Variants in IL17B observed in about 807,000 individuals in gnomAD.
IL17B encodes the protein interleukin 17B.
A neutral mutation model predicts 14.7 loss-of-function variants in IL17B; 14 were observed. The ratio of observed to expected loss-of-function variants is 0.95; its 90% confidence interval spans 0.63 to 1.49. IL17B has a LOEUF of 1.49. Ranked by LOEUF, IL17B falls within the 40% of genes most tolerant of loss-of-function variation. The pLI is 0.00. For synonymous variants in IL17B, 105 were observed against 94.8 expected (o/e 1.11, Z -0.62); for missense variants, 233 against 252.8 (o/e 0.92, Z 0.53).
intron 1 of IL17B, among the ~76,000 whole-genome samples, chr5:149,384,303 G>A (rs761416690): frequency 2.0e-5 from 3 of 152,104 alleles, no homozygotes; most frequent in Non-Finnish European, 2.9e-5. Context: ...GTGGGCCTCC[G>A]TTTCCTCACG....
chr5:149,391,124 C>T (rs1758942839), intron 1 of IL17B, among the ~76,000 whole-genome samples: 1 of 152,120 alleles, frequency 6.6e-6, no homozygotes, highest in Non-Finnish European at 1.5e-5. Flanking sequence ...CTGCCATCAT[C>T]CCCAGCTAAT....
chr5:149,393,681 CCTT>C (rs1413449768), intron 1 of IL17B, among the ~76,000 whole-genome samples: 1 of 152,128 alleles, frequency 6.6e-6, no homozygotes, highest in Non-Finnish European at 1.5e-5. Flanking sequence ...TCCCTTCCTT[CCTT>C]CTTTTTTTTC....
In IL17B at chr5:149,376,858, C is replaced by T. The variant is rs149642401; in HGVS notation, c.189G>A (p.Glu63=). ...MKPYARMEEY[E]RNIEEMVAQL... ...GGGCCACCATCTCCTCGATGTTCCT[C>T]TCATACTCCTCCATGCGGGCATACG... The change falls in exon 2 of 3, where the codon GAG becomes GAA. Residue 63 remains glutamate (E), a synonymous_variant. Transcript: ENST00000261796. 1.2e-6 allele frequency: 2 copies of T among 1,614,072 alleles called. No individual in the cohort carries two copies. The highest frequency in any genetic ancestry group is 2.7e-5 in the African/African-American group (2 of 74,942).
At chr5:149,403,002 C>CAAAAAAA (rs36121550) in intron 1 of IL17B, among the ~76,000 whole-genome samples, 1 of 60,580 alleles carries the variant, frequency 1.7e-5, no homozygotes. Context: ...GACTCCATCT[C>CAAAAAAA]AAAAAAAAAA....
chr5:149,376,115 C>T (rs1758523631), intron 2 of IL17B, among the ~76,000 whole-genome samples: 1 of 152,180 alleles, frequency 6.6e-6, no homozygotes, highest in Non-Finnish European at 1.5e-5. Flanking sequence ...CATCTTTGGT[C>T]CTTACTATGG....
chr5:149,379,619 G>C (rs1758636984), upstream of IL17B, among the ~76,000 whole-genome samples: 1 of 152,228 alleles, frequency 6.6e-6, no homozygotes, highest in South Asian at 2.1e-4. Flanking sequence ...AAGGGGTTGA[G>C]GGTGGAGGAG....
Position 149,374,338 on chromosome 5 carries a change from G to T in IL17B, c.*31C>A. The T allele has an allele frequency of 6.5e-7, 1 of 1,531,080 alleles. No homozygotes were observed. The highest frequency in any genetic ancestry group is 8.8e-7 in the Non-Finnish European group (1 of 1,136,744). 94.8% of individuals were successfully genotyped at this position (1,531,080 alleles called of 1,614,324 possible). A position where few individuals can be genotyped will look rare whatever the true frequency, so the allele number is the denominator to read the frequency against. On this transcript the variant is annotated 3_prime_UTR_variant, in exon 3 of 3. Transcript: ENST00000261796. This position sits in a 1 kb window ranked among gnomAD's most constrained non-coding sequence, Gnocchi z 5.0. Reference sequence around the variant, plus strand: ...CAAAGGTGCAAGGAGGATGGTCTCGGGCTGCTGGCCTGGCTTCTGGGCCAG... The same window carrying T: ...CAAAGGTGCAAGGAGGATGGTCTCGTGCTGCTGGCCTGGCTTCTGGGCCAG...
chr5:149,376,027 C>T (rs1352640296), intron 2 of IL17B, among the ~76,000 whole-genome samples: 1 of 152,222 alleles, frequency 6.6e-6, no homozygotes, highest in African/African-American at 2.4e-5. Context: ...ATTCTAGAGT[C>T]TCAGGGTATA....
chr5:149,403,017 A>C (rs1428772230), intron 1 of IL17B, among the ~76,000 whole-genome samples: 1 of 151,724 alleles, frequency 6.6e-6, no homozygotes, highest in Non-Finnish European at 1.5e-5. Context: ...AAAAAAAAAA[A>C]AAAAAAAACT....
chr5:149,400,042 C>T (rs921206098), intron 1 of IL17B, among the ~76,000 whole-genome samples: 3 of 152,176 alleles, frequency 2.0e-5, no homozygotes, highest in Non-Finnish European at 4.4e-5. Context: ...GTCCCTTACA[C>T]ATGTTTAGGG....
At chr5:149,386,082 C>T (rs1340414369) in intron 1 of IL17B, among the ~76,000 whole-genome samples, 1 of 152,208 alleles carries the variant, frequency 6.6e-6, no homozygotes, top group East Asian at 1.9e-4. Context: ...CAAAGTCTGC[C>T]TTGCATATTG....
At chr5:149,394,460 T>G (rs543992791) in intron 1 of IL17B, among the ~76,000 whole-genome samples, 17 of 152,356 alleles carry the variant, frequency 1.1e-4, no homozygotes, top group African/African-American at 4.1e-4. Flanking sequence ...TTGAGGAAGT[T>G]TCAATGCTTT....
intron 1 of IL17B, among the ~76,000 whole-genome samples, 175 bp from the exon 2 acceptor site, chr5:149,377,200 T>C (rs1456105693): frequency 6.6e-6 from 1 of 152,196 alleles, no homozygotes; most frequent in African/African-American, 2.4e-5. Context: ...CTCTCTCTTG[T>C]GTGTTCCAGC....
Position 149,374,496 on chromosome 5 carries a change from A to G in IL17B, c.416T>C (p.Val139Ala), listed in dbSNP as rs745574528. 3.9e-5 allele frequency: 63 copies of G among 1,613,158 alleles called. 1 individual carries two copies. In the Middle Eastern group the frequency reaches 1.8e-3, roughly 46 times the overall value. ...AACCTGGCTGAACACCGGCACGCTC[A>G]CCATGCTGCGGTCCTCCTGCATGGT... ...PFTMQEDRSM[V>A]SVPVFSQVPV... The change falls in exon 3 of 3, where the codon GTG becomes GCG. Residue 139 changes from valine (V) to alanine (A), a missense_variant. Coordinates refer to ENST00000261796, the MANE Select transcript of IL17B (RefSeq NM_014443.3). This position sits in a 1 kb window ranked among gnomAD's most constrained non-coding sequence, Gnocchi z 5.0.
At chr5:149,396,908 C>T (rs1392206057) in intron 1 of IL17B, among the ~76,000 whole-genome samples, 1 of 152,194 alleles carries the variant, frequency 6.6e-6, no homozygotes, top group Non-Finnish European at 1.5e-5. Context: ...TGACGAAGGG[C>T]GTTTTTTTAA....
intron 1 of IL17B, among the ~76,000 whole-genome samples, chr5:149,399,304 G>A (rs1463770803): frequency 6.6e-6 from 1 of 152,202 alleles, no homozygotes; most frequent in Non-Finnish European, 1.5e-5. Context: ...CAGCAAGTTA[G>A]TGGCACAACT....
intron 1 of IL17B, among the ~76,000 whole-genome samples, chr5:149,401,327 A>C (rs1265885306): frequency 3.3e-5 from 5 of 152,260 alleles, no homozygotes; most frequent in African/African-American, 1.2e-4. Context: ...TGGACACTGA[A>C]TTAAATTTTC....
At chr5:149,395,919 C>T (rs1287485176) in intron 1 of IL17B, among the ~76,000 whole-genome samples, 5 of 149,706 alleles carry the variant, frequency 3.3e-5, no homozygotes, top group Admixed American at 6.6e-5. Flanking sequence ...GTGATCCACC[C>T]ACCTCGGCTT....
At chr5:149,385,886 G>A (rs1026699463) in intron 1 of IL17B, among the ~76,000 whole-genome samples, 2 of 152,220 alleles carry the variant, frequency 1.3e-5, no homozygotes, top group Non-Finnish European at 2.9e-5. Context: ...CCTGGCAGAG[G>A]AAGAGGCCAC....
Sources: gnomAD v4.1 joint callset for allele counts (sites outside exome capture counted in the v4.1 genomes callset) on GRCh38, gnomAD v4.1.1 for gene constraint, Gnocchi (gnomAD v3.1) non-coding constraint, MANE v1.5 for transcripts, NCBI Gene and HGNC (gene_info 2026-07-23, HGNC 2026-07-21) for gene names.